DNAL1: variants seen among roughly 807,000 people sequenced by gnomAD.
The protein encoded by DNAL1 is chromosome 14 open reading frame 168.
DNAL1 carries 17 observed loss-of-function variants against 29.4 expected under a neutral mutation model. The ratio of observed to expected loss-of-function variants is 0.58; its 90% CI spans 0.40 to 0.87. The LOEUF (loss-of-function observed/expected upper bound fraction) is 0.87, where lower values mean the gene tolerates loss of function less well. Ranked by LOEUF, DNAL1 falls within the 40% of genes least tolerant of loss-of-function variation. The pLI is 0.00. For missense variants in DNAL1, 188 were observed against 214.1 expected, an observed-to-expected ratio of 0.88 and a Z score of 0.76; for synonymous variants, 78 against 76.3, an observed-to-expected ratio of 1.02 and a Z score of -0.12.
rs139437522 is a variant in DNAL1 at position 73,695,817 on chromosome 14, C to A, written c.533-85C>A. 1.6e-3 allele frequency: 1,992 copies of A among 1,219,320 alleles called. 30 individuals are homozygous for A. In the African/African-American group the frequency reaches 0.026, roughly 16 times the overall value. The allele number at this position is 1,219,320 out of a possible 1,614,324, so 75.5% of individuals were successfully genotyped here. A position where few individuals can be genotyped will look rare whatever the true frequency, so the allele number is the denominator to read the frequency against. On this transcript the variant is annotated intron_variant, in intron 7 of 7. Coordinates refer to ENST00000553645, the MANE Select transcript of DNAL1 (RefSeq NM_031427.4). ...GTGCTGGGATTACAGGCGTGAGCCA[C>A]CGTGCCCGGCCAGGAAAATATTTTC...
At chr14:73,649,439 C>T (rs947338151) in intron 1 of DNAL1, among the ~76,000 whole-genome samples, 16 of 151,508 alleles carry the variant, frequency 1.1e-4, no homozygotes, top group African/African-American at 2.7e-4. Flanking sequence ...CCTGCCACCA[C>T]GCCCGGCACA....
chr14:73,673,638 C>T (rs182792342), intron 5 of DNAL1, among the ~76,000 whole-genome samples: 21 of 152,128 alleles, frequency 1.4e-4, no homozygotes, highest in Non-Finnish European at 2.4e-4. Flanking sequence ...TGGTTCATGC[C>T]GGTAATCTGG....
intron 5 of DNAL1, among the ~76,000 whole-genome samples, chr14:73,676,050 ATTTT>A (rs546861811): frequency 1.3e-5 from 2 of 148,814 alleles, no homozygotes; most frequent in African/African-American, 4.9e-5. Context: ...AAAATAAAAT[ATTTT>A]TTTTTTGAGA....
rs533575432 is a variant in DNAL1, at chr14:73,676,247, A to T, written c.264+4650A>T. On this transcript the variant is annotated intron_variant, in intron 5 of 7. Transcript: ENST00000553645. ...AGAGACTGTCTCAAAAAAAAAAAAA[A>T]TTTTTTTTTTAATTCTATAAGTACC... Among the ~76,000 whole-genome samples, 293 of 150,308 alleles carry T rather than the reference A, an allele frequency of 1.9e-3. 1 individual carries two copies. The highest frequency in any genetic ancestry group is 3.3e-3 in the Admixed American group (50 of 15,046).
chr14:73,686,904 C>G (rs547039557), intron 5 of DNAL1, among the ~76,000 whole-genome samples: 1 of 152,020 alleles, frequency 6.6e-6, no homozygotes, highest in Admixed American at 6.5e-5. Context: ...ATAATATACT[C>G]TATAGGAATG....
At position 73,701,086 on chromosome 14, in the gene DNAL1, GATAA is replaced by G. The variant is rs1892426835; in HGVS notation, c.*5146_*5149del. 1 of 152,170 alleles carries G rather than the reference GATAA, an allele frequency of 6.6e-6. No individual in the cohort carries two copies. The highest frequency in any genetic ancestry group is 1.5e-5 in the Non-Finnish European group (1 of 68,026). The allele number at this position is 152,170 out of a possible 1,614,324, so 9.4% of individuals were successfully genotyped here. Reference sequence around the variant, plus strand: ...TGAGTCTTACCTTTCTCTGACCTAAGATAAACTGATAAAACTTTTTACTTGATAT... The same window carrying G: ...TGAGTCTTACCTTTCTCTGACCTAAGACTGATAAAACTTTTTACTTGATAT... On this transcript the variant is annotated 3_prime_UTR_variant, in exon 8 of 8. Transcript: ENST00000553645.
intron 7 of DNAL1, among the ~76,000 whole-genome samples, chr14:73,692,684 G>A (rs780230866): frequency 2.0e-5 from 3 of 151,688 alleles, no homozygotes; most frequent in Non-Finnish European, 4.4e-5. Context: ...ATGGCCTTTT[G>A]GACCATGTAT....
At position 73,655,710 on chromosome 14, in the gene DNAL1, T is replaced by C. The variant is rs8017442; in HGVS notation, c.42+825T>C. Reference sequence around the variant, plus strand: ...ATACCATTTTCATATGCTGGAGTCATATGAGTTGTGGATTATCTAGGCTTT... The same window carrying C: ...ATACCATTTTCATATGCTGGAGTCACATGAGTTGTGGATTATCTAGGCTTT... On this transcript the variant is annotated intron_variant, in intron 2 of 7. Transcript: ENST00000553645. Among the ~76,000 whole-genome samples, 1,395 of 152,104 alleles carry C rather than the reference T, an allele frequency of 9.2e-3. 16 individuals are homozygous for C. The highest frequency in any genetic ancestry group is 0.032 in the African/African-American group (1,339 of 41,464).
rs899762216 is a variant in DNAL1 at position 73,698,506 on chromosome 14, A to G, written c.*2564A>G. Reference sequence around the variant, plus strand: ...TACGCCATTTTAGTGGATCATTTAAATTTTTTCTATTCTGTTTTTTTTTGT... The same window carrying G: ...TACGCCATTTTAGTGGATCATTTAAGTTTTTTCTATTCTGTTTTTTTTTGT... On this transcript the variant is annotated 3_prime_UTR_variant, in exon 8 of 8. Transcript: ENST00000553645. The G allele has an allele frequency of 2.0e-5, 3 of 151,222 alleles. No homozygotes were observed. Among genetic ancestry groups the G allele is most frequent in the Non-Finnish European group, 4.4e-5 (3 of 67,806 alleles). 9.4% of individuals were successfully genotyped at this position (151,222 alleles called of 1,614,324 possible).
At chr14:73,678,212 T>C (rs1017450013) in intron 5 of DNAL1, among the ~76,000 whole-genome samples, 1 of 152,112 alleles carries the variant, frequency 6.6e-6, no homozygotes, top group African/African-American at 2.4e-5. Flanking sequence ...CATCTTTTTA[T>C]ATACTAGTCA....
chr14:73,648,473 G>T lies in DNAL1; in HGVS notation c.3+3431G>T, dbSNP rs1595197848. On this transcript the variant is annotated intron_variant, in intron 1 of 7. Transcript: ENST00000553645. ...GGACAAGATCTTGCTCTGTTGCCTG[G>T]TCTGGAGTGCAGTGGCCCCATCAGG... is the stretch of plus-strand genomic sequence containing the variant. 2.3e-5 allele frequency among the ~76,000 whole-genome samples: 3 copies of T among 127,698 alleles called. 1 individual carries two copies. The Admixed American group carries it at 2.4e-4, about 10-fold the overall frequency. The allele number at this position is 127,698 out of a possible 152,430, so 83.8% of individuals were successfully genotyped here. A position where few individuals can be genotyped will look rare whatever the true frequency, so the allele number is the denominator to read the frequency against.
intron 7 of DNAL1, among the ~76,000 whole-genome samples, chr14:73,692,969 G>A (rs571191119): frequency 6.6e-5 from 10 of 152,012 alleles, no homozygotes; most frequent in African/African-American, 2.4e-4. Flanking sequence ...CTGAAGAGCT[G>A]GGATTACAGG....
chr14:73,692,548 A>G (rs1272029929), intron 7 of DNAL1, among the ~76,000 whole-genome samples: 1 of 151,450 alleles, frequency 6.6e-6, no homozygotes, highest in African/African-American at 2.4e-5. Flanking sequence ...AATCCCAGCT[A>G]TTCGGGAGGC....
chr14:73,648,204 T>C (rs1249516635), intron 1 of DNAL1, among the ~76,000 whole-genome samples: 1 of 151,474 alleles, frequency 6.6e-6, no homozygotes, highest in African/African-American at 2.4e-5. Context: ...TCTCAAACTC[T>C]TGACCTCAAG....
chr14:73,658,936 G>A lies in DNAL1; in HGVS notation c.132G>A (p.Leu44=), dbSNP rs202161399. Residue 44 remains leucine, a synonymous_variant, in exon 3 of 8, where the codon TTG becomes TTA. Transcript: ENST00000553645. ...CTATAGAGAAGATGGATGCATCCTT[G>A]TCCATGCTTGCTAATTGCGAGTAAG... ...IPPIEKMDAS[L]SMLANCEKLS... 78 of 1,528,654 alleles carry A rather than the reference G, an allele frequency of 5.1e-5. No homozygotes were observed. Among genetic ancestry groups the A allele is most frequent in the Non-Finnish European group, 6.0e-5 (68 of 1,136,944 alleles). 94.7% of individuals were successfully genotyped at this position (1,528,654 alleles called of 1,614,324 possible).
intron 7 of DNAL1, among the ~76,000 whole-genome samples, chr14:73,691,666 A>T (rs1193419887): frequency 1.3e-5 from 2 of 152,168 alleles, no homozygotes; most frequent in Admixed American, 1.3e-4. Context: ...CTACCTCCCC[A>T]ATTCAATTCA....
intron 5 of DNAL1, among the ~76,000 whole-genome samples, chr14:73,685,962 G>T (rs1892011326): frequency 6.6e-6 from 1 of 152,076 alleles, no homozygotes; most frequent in Non-Finnish European, 1.5e-5. Context: ...GGAATGGCTG[G>T]ATCCCCTGTT....
intron 7 of DNAL1, among the ~76,000 whole-genome samples, chr14:73,691,090 T>C (rs1330600095): frequency 2.6e-5 from 4 of 152,206 alleles, no homozygotes; most frequent in South Asian, 4.1e-4. Context: ...ACCTTGTTCA[T>C]TGGTAATCTA....
intron 7 of DNAL1, among the ~76,000 whole-genome samples, chr14:73,695,048 CTTTTTTTTTT>C (rs71112798): frequency 1.6e-5 from 1 of 60,886 alleles, no homozygotes; most frequent in African/African-American, 7.0e-5. Flanking sequence ...TACTTGTTGG[CTTTTTTTTTT>C]TTTTTTTTTT....
Sources: allele counts gnomAD v4.1 joint callset (sites outside exome capture counted in the v4.1 genomes callset), GRCh38; gene constraint gnomAD v4.1.1; transcripts MANE v1.5; gene names NCBI Gene and HGNC (gene_info 2026-07-23, HGNC 2026-07-21).